UST: variants seen among roughly 807,000 people sequenced by gnomAD.
UST encodes chondroitin sulfate 2-O-sulfotransferase.
Under a neutral mutation model 45.6 loss-of-function variants are expected in UST, and 21 were observed. The observed-to-expected ratio is 0.46, with a 90% CI of 0.33 to 0.66. UST has a LOEUF of 0.66. Ranked by LOEUF, UST falls within the 30% of genes least tolerant of loss-of-function variation. UST has a pLI of 0.02. For missense variants in UST, 463 were observed against 512.4 expected (o/e 0.90, Z 0.93); for synonymous variants, 215 against 200.6 (o/e 1.07, Z -0.61).
At chr6:149,071,147 C>A (rs1422693933) in intron 7 of UST, among the ~76,000 whole-genome samples, 1 of 152,160 alleles carries the variant, frequency 6.6e-6, no homozygotes, top group Non-Finnish European at 1.5e-5. Context: ...AGGTCTTATT[C>A]ATTTTTCAAT....
At chr6:148,970,080 C>T (rs1007603855) in intron 5 of UST, among the ~76,000 whole-genome samples, 9 of 152,164 alleles carry the variant, frequency 5.9e-5, no homozygotes, top group Non-Finnish European at 7.3e-5. Context: ...AGATACGCTG[C>T]GAAATACATT....
intron 1 of UST, among the ~76,000 whole-genome samples, chr6:148,798,143 G>T (rs552194426): frequency 1.3e-5 from 2 of 152,296 alleles, no homozygotes; most frequent in South Asian, 4.1e-4. Context: ...AGCCTGCACC[G>T]AGCAGGCACA....
intron 5 of UST, among the ~76,000 whole-genome samples, chr6:149,012,614 G>T (rs1025680563): frequency 1.3e-5 from 2 of 152,084 alleles, no homozygotes; most frequent in Non-Finnish European, 2.9e-5. Context: ...TTATATCATC[G>T]TGTTACATTG....
intron 4 of UST, 115 bp from the exon 5 acceptor site, chr6:148,964,295 G>C: frequency 7.8e-7 from 1 of 1,283,790 alleles, no homozygotes. Context: ...TGGCACCTTA[G>C]CATAGGAGGT....
intron 3 of UST, among the ~76,000 whole-genome samples, chr6:148,942,837 A>G (rs184850762): frequency 6.6e-6 from 1 of 152,286 alleles, no homozygotes; most frequent in African/African-American, 2.4e-5. Context: ...GCAAACTTCC[A>G]TTAAAAAATC....
chr6:149,011,352 A>C (rs1248099440), intron 5 of UST, among the ~76,000 whole-genome samples: 1 of 152,172 alleles, frequency 6.6e-6, no homozygotes, highest in East Asian at 1.9e-4. Context: ...GGGGAGGATT[A>C]AGGGGTACAA....
chr6:148,854,053 G>A (rs374815252), intron 1 of UST, among the ~76,000 whole-genome samples: 1 of 152,170 alleles, frequency 6.6e-6, no homozygotes, highest in Admixed American at 6.5e-5. Flanking sequence ...CTAGTGTCGG[G>A]TAGTTGACAG....
At chr6:148,867,267 C>G (rs1305863816) in intron 1 of UST, among the ~76,000 whole-genome samples, 1 of 149,350 alleles carries the variant, frequency 6.7e-6, no homozygotes, top group Non-Finnish European at 1.5e-5. Flanking sequence ...TTCTACCTTT[C>G]TTTGAGGCAT....
chr6:148,926,716 T>C (rs1051854345), intron 2 of UST, among the ~76,000 whole-genome samples: 2 of 152,232 alleles, frequency 1.3e-5, no homozygotes, highest in Non-Finnish European at 1.5e-5. Context: ...AGTGTTCATT[T>C]ATAACTCATT....
At chr6:148,994,760 C>CT (rs1781418687) in intron 5 of UST, among the ~76,000 whole-genome samples, 1 of 152,166 alleles carries the variant, frequency 6.6e-6, no homozygotes, top group African/African-American at 2.4e-5. Context: ...CCACCAGGCT[C>CT]TTTTCCTTTT....
In UST at chr6:149,019,141, T is replaced by C; in HGVS notation, c.684T>C (p.Asp228=). Reference sequence around the variant, plus strand: ...GACTGCTGTATTTTCTCTTCTAGGATATCAATGAGTGTATTCTTGAAAACT... The same window carrying C: ...GACTGCTGTATTTTCTCTTCTAGGACATCAATGAGTGTATTCTTGAAAACT... ...PSMRQEERYL[D]INECILENYP... Residue 228 remains aspartate, a splice_region_variant and synonymous_variant, in exon 6 of 8, where the codon GAT becomes GAC. Transcript: ENST00000367463. The C allele has an allele frequency of 6.2e-7, 1 of 1,610,214 alleles. No individual in the cohort carries two copies.
chr6:148,827,017 A>C (rs1285276557), intron 1 of UST, among the ~76,000 whole-genome samples: 1 of 152,146 alleles, frequency 6.6e-6, no homozygotes, highest in African/African-American at 2.4e-5. Flanking sequence ...ATACATTCAC[A>C]GGTTCTGGGA....
intron 1 of UST, among the ~76,000 whole-genome samples, chr6:148,774,200 TAAAG>T (rs1776486520): frequency 1.3e-5 from 2 of 151,886 alleles, no homozygotes; most frequent in Non-Finnish European, 2.9e-5. Context: ...AGAAAGATGT[TAAAG>T]AAGCGTGTGA....
At chr6:148,827,453 T>C (rs2114753198) in intron 1 of UST, among the ~76,000 whole-genome samples, 1 of 152,030 alleles carries the variant, frequency 6.6e-6, no homozygotes, top group East Asian at 1.9e-4. Flanking sequence ...ACCTTGTCTC[T>C]ACTAAAAATA....
intron 1 of UST, among the ~76,000 whole-genome samples, chr6:148,838,706 G>A (rs181050382): frequency 6.6e-6 from 1 of 152,182 alleles, no homozygotes; most frequent in East Asian, 1.9e-4. Context: ...ACCAGCCTGG[G>A]CAACATAATA....
intron 1 of UST, among the ~76,000 whole-genome samples, chr6:148,873,187 C>T (rs1778590140): frequency 6.6e-6 from 1 of 152,178 alleles, no homozygotes. Context: ...TCAAATATTT[C>T]AAAGTAATGG....
At chr6:148,757,013 A>G (rs955267344) in intron 1 of UST, among the ~76,000 whole-genome samples, 2 of 152,236 alleles carry the variant, frequency 1.3e-5, no homozygotes, top group Non-Finnish European at 2.9e-5. Flanking sequence ...ATATGAGTAC[A>G]TATAGTTTTG....
intron 1 of UST, among the ~76,000 whole-genome samples, chr6:148,878,414 T>G (rs1582872901): frequency 3.1e-4 from 4 of 13,074 alleles, no homozygotes; most frequent in Non-Finnish European, 4.2e-4. Context: ...TGTGTATGAG[T>G]GGGGGGGTCG....
chr6:148,871,121 TCTCTC>T (rs1385641233), intron 1 of UST, among the ~76,000 whole-genome samples: 8 of 146,072 alleles, frequency 5.5e-5, no homozygotes, highest in African/African-American at 1.8e-4. Context: ...TCTCTCCCTC[TCTCTC>T]TCTCTCTCTC....
Sources: allele counts gnomAD v4.1 joint callset (sites outside exome capture counted in the v4.1 genomes callset), GRCh38; gene constraint gnomAD v4.1.1; transcripts MANE v1.5; gene names NCBI Gene and HGNC (gene_info 2026-07-23, HGNC 2026-07-21).